PCDHGA3: variants seen among roughly 807,000 people sequenced by gnomAD.
The protein encoded by PCDHGA3 is protocadherin gamma subfamily A, 3.
Under a neutral mutation model 58.5 loss-of-function variants are expected in PCDHGA3, and 40 were observed. That is an observed-to-expected ratio of 0.68 (90% CI 0.53 to 0.89). PCDHGA3 has a LOEUF of 0.89. PCDHGA3 is among the 40% of genes least tolerant of loss of function. PCDHGA3 has a pLI of 0.00. For missense variants in PCDHGA3, 1,223 were observed against 1,195.9 expected (o/e 1.02, Z -0.33); for synonymous variants, 530 against 525.7 (o/e 1.01, Z -0.11).
chr5:141,490,088 ACCACAC>A lies in PCDHGA3; in HGVS notation c.2425-4718_2425-4713del. On this transcript the variant is annotated intron_variant, in intron 1 of 3. Transcript: ENST00000253812. The surrounding 1 kb of genome is among the most constrained non-coding windows in gnomAD (Gnocchi z 5.4). The stretch of plus-strand genomic sequence containing the variant: ...GGCCAACTAGACTATTCTTTTGGAG[ACCACAC>A]ATCTGAGGCAGTGCGGAACCTCTTT... The A allele has an allele frequency of 6.2e-7, 1 of 1,614,190 alleles. No homozygotes were observed. Among genetic ancestry groups the A allele is most frequent in the Non-Finnish European group, 8.5e-7 (1 of 1,180,004 alleles).
At chr5:141,468,560 T>TA (rs2099169084) in intron 1 of PCDHGA3, 1 of 152,004 alleles carries the variant, frequency 6.6e-6, no homozygotes, top group Non-Finnish European at 1.5e-5. Context: ...ATTTGTGATA[T>TA]AGTAAACAAT....
At chr5:141,351,221 G>A (rs201087525) in intron 1 of PCDHGA3, 5 of 1,614,012 alleles carry the variant, frequency 3.1e-6, no homozygotes, top group Non-Finnish European at 4.2e-6. Flanking sequence ...TAAGGATGGA[G>A]GAGTACACAC....
At chr5:141,471,504 G>A (rs1487198851) in intron 1 of PCDHGA3, 1 of 152,214 alleles carries the variant, frequency 6.6e-6, no homozygotes, top group Non-Finnish European at 1.5e-5. Flanking sequence ...ATGCAAGAGA[G>A]GGAGTAAAAA....
intron 1 of PCDHGA3, among the ~76,000 whole-genome samples, chr5:141,442,717 C>T (rs918238654): frequency 1.3e-5 from 2 of 152,166 alleles, no homozygotes; most frequent in African/African-American, 2.4e-5. Flanking sequence ...CATGCCAGAG[C>T]ATTTGGGGCC....
Position 141,476,793 on chromosome 5 carries a change from C to T in PCDHGA3, c.2425-18014C>T, listed in dbSNP as rs754785656. ...GACGGAGGGACCCCAGCTCTCTCCG[C>T]CAGCCTGCCTATTCACATCAAGGTG... On this transcript the variant is annotated intron_variant, in intron 1 of 3. Transcript: ENST00000253812. The surrounding 1 kb of genome is among the most constrained non-coding windows in gnomAD (Gnocchi z 7.6). 1.2e-6 allele frequency: 2 copies of T among 1,613,642 alleles called. No homozygotes were observed. The highest frequency in any genetic ancestry group is 2.2e-5 in the East Asian group (1 of 44,868).
intron 1 of PCDHGA3, chr5:141,404,679 A>G: frequency 6.2e-7 from 1 of 1,614,096 alleles, no homozygotes; most frequent in Admixed American, 1.7e-5. Flanking sequence ...ACTGGTGTGG[A>G]GCTGGCACCC....
At chr5:141,375,803 G>A (rs1771910516) in intron 1 of PCDHGA3, 5 of 1,614,234 alleles carry the variant, frequency 3.1e-6, no homozygotes, top group Non-Finnish European at 4.2e-6. Flanking sequence ...CGGTTCCACT[G>A]GCGTGGAGCT....
At chr5:141,504,240 G>A (rs1275204117) in intron 2 of PCDHGA3, among the ~76,000 whole-genome samples, 1 of 152,182 alleles carries the variant, frequency 6.6e-6, no homozygotes, top group Non-Finnish European at 1.5e-5. Context: ...AAGAAGCAGA[G>A]AGTTCTTCTT....
chr5:141,471,065 T>C (rs1355886133), intron 1 of PCDHGA3, among the ~76,000 whole-genome samples: 3 of 148,628 alleles, frequency 2.0e-5, no homozygotes, highest in Non-Finnish European at 3.0e-5. Context: ...TTTTTTTTTT[T>C]TGAGACAGGG....
At chr5:141,480,046 A>G (rs919527311) in intron 1 of PCDHGA3, among the ~76,000 whole-genome samples, 1 of 152,206 alleles carries the variant, frequency 6.6e-6, no homozygotes, top group Non-Finnish European at 1.5e-5. Context: ...ATATGCAAAA[A>G]GGGAATAATA....
chr5:141,449,484 A>G (rs1003440539), intron 1 of PCDHGA3, among the ~76,000 whole-genome samples: 2 of 150,848 alleles, frequency 1.3e-5, no homozygotes, highest in Non-Finnish European at 3.0e-5. Context: ...CCCCATGCCT[A>G]AGGGTGAGGC....
chr5:141,365,735 GTC>G (rs779265335), intron 1 of PCDHGA3: 509 of 1,613,626 alleles, frequency 3.2e-4, no homozygotes, highest in Non-Finnish European at 3.1e-4. Flanking sequence ...TCCCAGAGGT[GTC>G]TCTATCTTCT....
chr5:141,428,891 G>A (rs1382228334), intron 1 of PCDHGA3: 3 of 149,832 alleles, frequency 2.0e-5, no homozygotes, highest in East Asian at 3.9e-4. Flanking sequence ...GTCTCGCTCT[G>A]TGGTCCAGGC....
At chr5:141,405,978 T>G (rs1280230437) in intron 1 of PCDHGA3, among the ~76,000 whole-genome samples, 1 of 152,144 alleles carries the variant, frequency 6.6e-6, no homozygotes, top group Non-Finnish European at 1.5e-5. Context: ...TAAACCATAC[T>G]TCATGGGGTA....
At chr5:141,420,094 G>A in intron 1 of PCDHGA3, 7 of 1,614,058 alleles carry the variant, frequency 4.3e-6, no homozygotes, top group Non-Finnish European at 5.9e-6. Flanking sequence ...ACTACAGTGA[G>A]GGAACGTTGC....
At chr5:141,413,124 AAC>A in intron 1 of PCDHGA3, 2 of 1,528,020 alleles carry the variant, frequency 1.3e-6, no homozygotes, top group Non-Finnish European at 1.8e-6. Flanking sequence ...AACCGGTTGA[AAC>A]ACACAACGTG....
At chr5:141,402,332 A>G (rs991402257) in intron 1 of PCDHGA3, among the ~76,000 whole-genome samples, 2 of 152,036 alleles carry the variant, frequency 1.3e-5, no homozygotes, top group African/African-American at 4.8e-5. Flanking sequence ...TTACAAATAT[A>G]TAGGTATAAA....
At position 141,356,066 on chromosome 5, in the gene PCDHGA3, CA is replaced by C. The variant is rs754314348; in HGVS notation, c.2424+9610del. ...TTCCGGAAAGTAAGAGACAAAATAT[CA>C]CAGCTATTTCAGTTGAATTCTCTGA... On this transcript the variant is annotated intron_variant, in intron 1 of 3. Coordinates refer to ENST00000253812, the MANE Select transcript of PCDHGA3 (RefSeq NM_018916.4). The C allele has an allele frequency of 6.8e-6, 11 of 1,613,876 alleles. No homozygotes were observed. The South Asian group carries it at 1.2e-4, about 18-fold the overall frequency.
intron 1 of PCDHGA3, chr5:141,421,732 C>T: frequency 6.2e-7 from 1 of 1,613,934 alleles, no homozygotes; most frequent in Non-Finnish European, 8.5e-7. Flanking sequence ...GAACTCCCTC[C>T]AGAGCTACCA....
Sources: gnomAD v4.1 joint callset for allele counts (sites outside exome capture counted in the v4.1 genomes callset) on GRCh38, gnomAD v4.1.1 for gene constraint, Gnocchi (gnomAD v3.1) non-coding constraint, MANE v1.5 for transcripts, NCBI Gene and HGNC (gene_info 2026-07-23, HGNC 2026-07-21) for gene names.